The following PTPRN2 variants were observed in gnomAD, a reference collection of about 807,000 sequenced individuals.
The protein encoded by PTPRN2 is receptor-type tyrosine-protein phosphatase N2.
PTPRN2 carries 74 observed loss-of-function variants against 118.8 expected under a neutral mutation model. That is an observed-to-expected ratio of 0.62 (90% CI 0.52 to 0.76). PTPRN2 has a LOEUF of 0.76. PTPRN2 is among the 30% of genes least tolerant of loss of function. PTPRN2 has a pLI of 0.00. For synonymous variants in PTPRN2, 641 were observed against 608.0 expected (o/e 1.05, Z -0.80); for missense variants, 1,481 against 1,394.4 (o/e 1.06, Z -0.99).
intron 3 of PTPRN2, among the ~76,000 whole-genome samples, chr7:158,267,681 C>T (rs1280068035): frequency 6.6e-6 from 1 of 152,154 alleles, no homozygotes; most frequent in Admixed American, 6.5e-5. Context: ...TTCTGCAGGC[C>T]TTCTCTCTCA....
chr7:157,900,340 T>G (rs1186464725), intron 11 of PTPRN2, among the ~76,000 whole-genome samples: 1 of 152,206 alleles, frequency 6.6e-6, no homozygotes, highest in African/African-American at 2.4e-5. Context: ...CAGCAGACAG[T>G]GGGCCTGACT....
At chr7:158,375,138 G>A (rs1294572185) in intron 2 of PTPRN2, among the ~76,000 whole-genome samples, 2 of 152,138 alleles carry the variant, frequency 1.3e-5, no homozygotes, top group Non-Finnish European at 2.9e-5. Context: ...CTAAATATGA[G>A]AGGCAGTGGC....
At chr7:157,739,803 G>A (rs975556364) in intron 12 of PTPRN2, among the ~76,000 whole-genome samples, 19 of 152,152 alleles carry the variant, frequency 1.2e-4, no homozygotes, top group African/African-American at 4.3e-4. Flanking sequence ...TGGTTCTGAC[G>A]GCAGAGAACA....
chr7:158,323,714 C>T (rs55978646), intron 2 of PTPRN2, among the ~76,000 whole-genome samples: 15 of 152,208 alleles, frequency 9.9e-5, no homozygotes, highest in Middle Eastern at 3.4e-3. Context: ...TAATTTCATT[C>T]GCAAGCGTCA....
chr7:158,007,994 AT>A (rs1805765363), intron 11 of PTPRN2, among the ~76,000 whole-genome samples: 1 of 110,242 alleles, frequency 9.1e-6, no homozygotes, highest in East Asian at 3.0e-4. Flanking sequence ...TATGTGGGGT[AT>A]GTACTTGTGC....
intron 5 of PTPRN2, among the ~76,000 whole-genome samples, chr7:158,185,475 G>A (rs1264282900): frequency 1.3e-5 from 2 of 152,074 alleles, no homozygotes; most frequent in South Asian, 2.1e-4. Flanking sequence ...GATCATGATC[G>A]ACCTGTATGT....
At chr7:158,441,787 G>A (rs1232880269) in intron 2 of PTPRN2, among the ~76,000 whole-genome samples, 5 of 142,500 alleles carry the variant, frequency 3.5e-5, no homozygotes, top group African/African-American at 1.1e-4. Context: ...TGGTGATGGT[G>A]ATAGTGATGG....
intron 11 of PTPRN2, among the ~76,000 whole-genome samples, chr7:158,070,314 G>GTA: frequency 6.7e-6 from 1 of 149,596 alleles, no homozygotes; most frequent in African/African-American, 2.5e-5. Context: ...GCTCCTGGTG[G>GTA]TGGAGGTGCT....
chr7:158,494,207 C>T (rs1187319641), intron 1 of PTPRN2, among the ~76,000 whole-genome samples: 1 of 152,226 alleles, frequency 6.6e-6, no homozygotes, highest in Admixed American at 6.5e-5. Flanking sequence ...CTCGGCACAT[C>T]CTGTACCACA....
chr7:158,152,360 TG>T (rs1233279424), intron 6 of PTPRN2, among the ~76,000 whole-genome samples: 1 of 151,974 alleles, frequency 6.6e-6, no homozygotes, highest in Non-Finnish European at 1.5e-5. Context: ...ATGGGCCTAG[TG>T]GGGCCTGGGA....
At chr7:157,708,874 A>G (rs1346839482) in intron 12 of PTPRN2, among the ~76,000 whole-genome samples, 2 of 152,208 alleles carry the variant, frequency 1.3e-5, no homozygotes, top group African/African-American at 4.8e-5. Flanking sequence ...CAAGCCACGT[A>G]TGGCTCCATG....
intron 2 of PTPRN2, among the ~76,000 whole-genome samples, chr7:158,483,059 C>T (rs914506593): frequency 2.6e-5 from 4 of 152,222 alleles, no homozygotes; most frequent in African/African-American, 9.6e-5. Context: ...AGCCCTTCAG[C>T]CTATGACATC....
At chr7:157,634,327 T>C (rs1190775971) in intron 14 of PTPRN2, among the ~76,000 whole-genome samples, 3 of 152,228 alleles carry the variant, frequency 2.0e-5, no homozygotes, top group Non-Finnish European at 4.4e-5. Context: ...AACTCTGATA[T>C]TTCCAATAGC....
In PTPRN2 at chr7:158,544,560, C is replaced by T. The variant is rs1234561343; in HGVS notation, c.112+42998G>A. 6.6e-6 allele frequency among the ~76,000 whole-genome samples: 1 copy of T among 152,024 alleles called. No individual in the cohort carries two copies. ...TGCTGAAGCAGGAGAATCACTTGAACCTGGGACGTGGAGGTTGCAGTGAGC... is the reference window on the plus strand; with the variant it reads ...TGCTGAAGCAGGAGAATCACTTGAATCTGGGACGTGGAGGTTGCAGTGAGC... On this transcript the variant is annotated intron_variant, in intron 1 of 22. Coordinates refer to ENST00000389418, the MANE Select transcript of PTPRN2 (RefSeq NM_002847.5). This position sits in a 1 kb window ranked among gnomAD's most constrained non-coding sequence, Gnocchi z 4.2.
At chr7:158,535,809 C>T (rs1586895961) in intron 1 of PTPRN2, among the ~76,000 whole-genome samples, 2 of 151,012 alleles carry the variant, frequency 1.3e-5, no homozygotes, top group South Asian at 2.1e-4. Context: ...CTTAATATAG[C>T]GGCTATACTT....
chr7:157,544,959 TGTG>T (rs1456071272), intron 22 of PTPRN2, among the ~76,000 whole-genome samples: 1 of 144,708 alleles, frequency 6.9e-6, no homozygotes, highest in Admixed American at 6.9e-5. Flanking sequence ...TGTGGATGTG[TGTG>T]GGGGTGTGCA....
chr7:158,277,629 C>G (rs369937968), intron 3 of PTPRN2, among the ~76,000 whole-genome samples: 2 of 152,194 alleles, frequency 1.3e-5, no homozygotes, highest in Admixed American at 6.5e-5. Context: ...CACTGCTGCA[C>G]GAGGTGCACA....
chr7:157,887,641 C>CCCCCCAG (rs1796551051), intron 12 of PTPRN2, among the ~76,000 whole-genome samples: 1 of 59,246 alleles, frequency 1.7e-5, no homozygotes, highest in Admixed American at 1.5e-4. Flanking sequence ...CCCATACCCA[C>CCCCCCAG]TCCCCAGTAC....
intron 1 of PTPRN2, chr7:158,532,881 G>C: frequency 2.0e-6 from 1 of 511,618 alleles, no homozygotes; most frequent in Non-Finnish European, 4.1e-6. Flanking sequence ...AGACCATCTT[G>C]ATGGCTCAGG....
Sources: allele counts gnomAD v4.1 joint callset (sites outside exome capture counted in the v4.1 genomes callset), GRCh38; gene constraint gnomAD v4.1.1; non-coding constraint Gnocchi (gnomAD v3.1); transcripts MANE v1.5; gene names NCBI Gene and HGNC (gene_info 2026-07-23, HGNC 2026-07-21).